Variants in RHBDD1 observed in about 807,000 individuals in gnomAD.
RHBDD1 encodes rhomboid-related protein 4.
In RHBDD1, 38 loss-of-function variants were observed where a neutral mutation model predicts 36.3. That is an observed-to-expected ratio of 1.05 (90% CI 0.81 to 1.37). The LOEUF (loss-of-function observed/expected upper bound fraction) is 1.37, where lower values mean the gene tolerates loss of function less well. Among genes scored for constraint, RHBDD1 ranks in the 40% most tolerant of loss-of-function variants. The pLI, the probability that RHBDD1 is intolerant of heterozygous loss-of-function variation, is 0.00. For synonymous variants in RHBDD1, 151 were observed against 136.5 expected, an observed-to-expected ratio of 1.11 and a Z score of -0.74; for missense variants, 393 against 377.6, an observed-to-expected ratio of 1.04 and a Z score of -0.34.
chr2:226,864,879 A>T lies in RHBDD1; in HGVS notation c.186A>T (p.Gln62His), dbSNP rs1165239787. ...SCLSVEKCYQ[Q>H]KDWQRLLLSP... Reference sequence around the variant, plus strand: ...TTAGTGTGGAGAAGTGTTACCAGCAAAAAGACTGGCAGCGTTTACTGCTCT... The same window carrying T: ...TTAGTGTGGAGAAGTGTTACCAGCATAAAGACTGGCAGCGTTTACTGCTCT... The change falls in exon 4 of 9, where the codon CAA becomes CAT. Residue 62 changes from glutamine to histidine, a missense_variant. Coordinates refer to ENST00000392062, the MANE Select transcript of RHBDD1 (RefSeq NM_001167608.3). 6.2e-7 allele frequency: 1 copy of T among 1,614,242 alleles called. No homozygotes were observed. The highest frequency in any genetic ancestry group is 1.1e-5 in the South Asian group (1 of 91,088).
chr2:226,831,663 G>A (rs1559172230), upstream of RHBDD1, among the ~76,000 whole-genome samples: 2 of 151,948 alleles, frequency 1.3e-5, no homozygotes, highest in Non-Finnish European at 2.9e-5. Context: ...TAGAACATGA[G>A]ATAATAAATT....
chr2:226,823,289 T>C, the RHBDD1 span, among the ~76,000 whole-genome samples: 4 of 152,346 alleles, frequency 2.6e-5, no homozygotes, highest in Non-Finnish European at 5.9e-5. Flanking sequence ...CCATGAGCAA[T>C]CAATTTCTGT....
intron 7 of RHBDD1, among the ~76,000 whole-genome samples, chr2:226,913,197 C>T (rs1948642044): frequency 1.3e-5 from 2 of 152,050 alleles, no homozygotes; most frequent in East Asian, 3.9e-4. Flanking sequence ...CAGGCCTGTA[C>T]TGCTGTACTC....
At chr2:226,846,932 A>G (rs921826473) in intron 3 of RHBDD1, among the ~76,000 whole-genome samples, 1 of 152,194 alleles carries the variant, frequency 6.6e-6, no homozygotes, top group African/African-American at 2.4e-5. Flanking sequence ...AGTAGTTGTC[A>G]GAATTGCAGC....
At chr2:226,909,354 G>T (rs1469323116) in intron 7 of RHBDD1, among the ~76,000 whole-genome samples, 1 of 152,154 alleles carries the variant, frequency 6.6e-6, no homozygotes, top group African/African-American at 2.4e-5. Flanking sequence ...AAGTATCTGT[G>T]TAAATAGATA....
the RHBDD1 span, among the ~76,000 whole-genome samples, chr2:226,814,513 A>G: frequency 6.6e-6 from 1 of 152,188 alleles, no homozygotes; most frequent in African/African-American, 2.4e-5. Flanking sequence ...TCTGAGATAT[A>G]GAGTAAAATG....
chr2:226,927,348 T>A (rs1949731536), intron 8 of RHBDD1, among the ~76,000 whole-genome samples: 1 of 152,074 alleles, frequency 6.6e-6, no homozygotes, highest in Non-Finnish European at 1.5e-5. Flanking sequence ...TTTTTTGTTT[T>A]TTTGTTTTTT....
At chr2:226,845,411 G>A (rs1264583449) in intron 3 of RHBDD1, among the ~76,000 whole-genome samples, 5 of 152,162 alleles carry the variant, frequency 3.3e-5, no homozygotes, top group Non-Finnish European at 7.3e-5. Context: ...AACTCTGAAG[G>A]TTAACTTTCC....
chr2:226,916,028 G>A lies in RHBDD1; in HGVS notation c.856+1677G>A, dbSNP rs571106109. Among the ~76,000 whole-genome samples, 4 of 152,326 alleles carry A rather than the reference G, an allele frequency of 2.6e-5. No homozygotes were observed. In the South Asian group the frequency reaches 6.2e-4, roughly 24 times the overall value. ...CTGACTAATGGTGGTGTTACGCCAT[G>A]CCTCATTCCTCAGCCAGCAGGCTAG... On this transcript the variant is annotated intron_variant, in intron 8 of 8. Transcript: ENST00000392062.
At chr2:226,888,109 T>A (rs1043744832) in intron 5 of RHBDD1, among the ~76,000 whole-genome samples, 1 of 152,202 alleles carries the variant, frequency 6.6e-6, no homozygotes, top group Non-Finnish European at 1.5e-5. Context: ...ATAGTTTACT[T>A]CTAGTGAGTA....
intron 5 of RHBDD1, among the ~76,000 whole-genome samples, chr2:226,876,744 A>G (rs1465960759): frequency 6.6e-6 from 1 of 152,242 alleles, no homozygotes; most frequent in South Asian, 2.1e-4. Context: ...ATAGCTATCA[A>G]TATTTACCAT....
chr2:226,814,353 G>A, the RHBDD1 span, among the ~76,000 whole-genome samples: 1 of 152,052 alleles, frequency 6.6e-6, no homozygotes, highest in African/African-American at 2.4e-5. Flanking sequence ...GGATATAGCA[G>A]GCATTTGGTA....
At chr2:226,861,087 G>T (rs1943809608) in intron 3 of RHBDD1, among the ~76,000 whole-genome samples, 1 of 152,186 alleles carries the variant, frequency 6.6e-6, no homozygotes, top group African/African-American at 2.4e-5. Flanking sequence ...GGATAATTCA[G>T]TTTTCAGAAA....
At chr2:226,834,428 T>C (rs1439989631), upstream of RHBDD1, among the ~76,000 whole-genome samples, 1 of 152,226 alleles carries the variant, frequency 6.6e-6, no homozygotes, top group East Asian at 1.9e-4. Flanking sequence ...GAGGAGTATA[T>C]TGTTTTTCTA....
At chr2:226,956,757 A>G (rs922722554) in intron 8 of RHBDD1, among the ~76,000 whole-genome samples, 1 of 152,224 alleles carries the variant, frequency 6.6e-6, no homozygotes, top group Non-Finnish European at 1.5e-5. Flanking sequence ...AGGAAAGGAC[A>G]CTAGCCAGAG....
chr2:226,948,564 T>TAAAAAAAAAAAAAA (rs56325989), intron 8 of RHBDD1, among the ~76,000 whole-genome samples: 3 of 23,552 alleles, frequency 1.3e-4, no homozygotes, highest in Non-Finnish European at 1.7e-4. Flanking sequence ...ACTTAAAGTA[T>TAAAAAAAAAAAAAA]AAAAAAAAAA....
chr2:226,822,943 T>C, the RHBDD1 span, among the ~76,000 whole-genome samples: 4 of 152,206 alleles, frequency 2.6e-5, no homozygotes, highest in Non-Finnish European at 5.9e-5. Context: ...CTCGTCAACA[T>C]GGCAAAACCC....
chr2:226,941,227 A>C lies in RHBDD1; in HGVS notation c.856+26876A>C, dbSNP rs147459386. ...GTGATCCACCCGCCTCAGCCTCCCA[A>C]AGTGCTGGGATTACAGGCGTGAGCC... On this transcript the variant is annotated intron_variant, in intron 8 of 8. Transcript: ENST00000392062. Among the ~76,000 whole-genome samples the C allele has an allele frequency of 9.2e-3, 1,402 of 151,634 alleles. 16 individuals are homozygous for C. Among genetic ancestry groups the C allele is most frequent in the Non-Finnish European group, 0.012 (811 of 67,984 alleles).
At chr2:226,956,023 C>G (rs1034732889) in intron 8 of RHBDD1, among the ~76,000 whole-genome samples, 22 of 152,318 alleles carry the variant, frequency 1.4e-4, no homozygotes, top group Admixed American at 3.3e-4. Context: ...GTCCCCATGA[C>G]AGCCCTATGA....
Sources: gnomAD v4.1 joint callset for allele counts (sites outside exome capture counted in the v4.1 genomes callset) on GRCh38, gnomAD v4.1.1 for gene constraint, MANE v1.5 for transcripts, NCBI Gene and HGNC (gene_info 2026-07-23, HGNC 2026-07-21) for gene names.